ATG4B: variants seen among roughly 807,000 people sequenced by gnomAD.
The protein encoded by ATG4B is cysteine protease ATG4B.
Under a neutral mutation model 56.6 loss-of-function variants are expected in ATG4B, and 29 were observed. The observed-to-expected ratio is 0.51, with a 90% CI of 0.38 to 0.70. The LOEUF is 0.70. Among genes scored for constraint, ATG4B ranks in the 30% least tolerant of loss-of-function variants. The probability of loss-of-function intolerance (pLI) is 0.00; values close to 1 mark genes in which losing one functional copy is unlikely to be tolerated. For synonymous variants in ATG4B, 224 were observed against 206.1 expected (o/e 1.09, Z -0.74); for missense variants, 461 against 515.5 (o/e 0.89, Z 1.02).
rs770318174 is a variant in ATG4B, at chr2:241,637,723, A to C, written c.9A>C (p.Ala3=). Residue 3 remains alanine, a splice_region_variant and synonymous_variant, in exon 1 of 13, where the codon GCA becomes GCC. Coordinates refer to ENST00000404914, the MANE Select transcript of ATG4B (RefSeq NM_013325.5). The part of the protein sequence containing the change: MD[A]ATLTYDTLRF... ...GCGGCCGGACTGGGAAGATGGACGC[A>C]GGTGAGGAGTTGCCGGGGGTCGGTC... 11 of 1,578,430 alleles carry C rather than the reference A, an allele frequency of 7.0e-6. No individual in the cohort carries two copies. In the African/African-American group the frequency reaches 8.5e-5, roughly 12 times the overall value.
At chr2:241,650,707 CAG>C (rs2068203955) in intron 1 of ATG4B, among the ~76,000 whole-genome samples, 1 of 152,056 alleles carries the variant, frequency 6.6e-6, no homozygotes, top group African/African-American at 2.4e-5. Context: ...ACCCTCGTGT[CAG>C]CTGTTAGACA....
chr2:241,666,612 G>A (rs749011399), intron 7 of ATG4B, 33 bp from the exon 8 acceptor site: 1 of 1,608,904 alleles, frequency 6.2e-7, no homozygotes. Context: ...GCACAGGTCT[G>A]CTTGGTTAGT....
chr2:241,658,675 A>T (rs1296035118), intron 6 of ATG4B, among the ~76,000 whole-genome samples: 1 of 151,990 alleles, frequency 6.6e-6, no homozygotes, highest in Non-Finnish European at 1.5e-5. Context: ...CTCTATAAGG[A>T]CTCAGATTCC....
chr2:241,666,565 C>G (rs758557647), intron 7 of ATG4B, 80 bp from the exon 8 acceptor site: 5 of 1,430,776 alleles, frequency 3.5e-6, no homozygotes, highest in Admixed American at 1.9e-5. Context: ...TTCTGTTACA[C>G]AGTCATCATT....
At chr2:241,641,563 A>AAG (rs1575053666) in intron 1 of ATG4B, among the ~76,000 whole-genome samples, 1 of 151,958 alleles carries the variant, frequency 6.6e-6, no homozygotes, top group East Asian at 1.9e-4. Context: ...AAAAAAAAAA[A>AAG]AAAGAAACTC....
Position 241,651,479 on chromosome 2 carries a change from C to A in ATG4B, c.184+144C>A. On this transcript the variant is annotated intron_variant, in intron 3 of 12. Coordinates refer to ENST00000404914, the MANE Select transcript of ATG4B (RefSeq NM_013325.5). The surrounding 1 kb of genome is among the most constrained non-coding windows in gnomAD (Gnocchi z 4.1). ...CCTGCTTAACTGAATTGGCCGAGGC[C>A]TCACGTGTAGTAGTGGCAAAGCTAG... The A allele has an allele frequency of 2.8e-6, 2 of 719,764 alleles. No homozygotes were observed. Among genetic ancestry groups the A allele is most frequent in the Non-Finnish European group, 4.6e-6 (2 of 435,210 alleles). 44.6% of individuals were successfully genotyped at this position (719,764 alleles called of 1,614,324 possible). A position where few individuals can be genotyped will look rare whatever the true frequency, so the allele number is the denominator to read the frequency against.
At chr2:241,660,444 T>C (rs2068556940) in intron 7 of ATG4B, among the ~76,000 whole-genome samples, 1 of 152,242 alleles carries the variant, frequency 6.6e-6, no homozygotes, top group East Asian at 1.9e-4. Context: ...TCTGCAGCAT[T>C]GAGAGCTTTG....
intron 1 of ATG4B, among the ~76,000 whole-genome samples, chr2:241,649,159 C>T (rs547149454): frequency 1.1e-4 from 17 of 152,326 alleles, no homozygotes; most frequent in Admixed American, 2.0e-4. Context: ...CTGACTGCCC[C>T]CTGCCTCCCC....
At chr2:241,652,076 A>G in intron 3 of ATG4B, 1 of 762,166 alleles carries the variant, frequency 1.3e-6, no homozygotes, top group Non-Finnish European at 1.9e-6. Flanking sequence ...GGTGGAAGTC[A>G]AATAGCCACA....
At chr2:241,648,427 T>C (rs184256308) in intron 1 of ATG4B, among the ~76,000 whole-genome samples, 373 of 152,072 alleles carry the variant, frequency 2.5e-3, no homozygotes, top group African/African-American at 8.6e-3. Context: ...AGACCTCATC[T>C]CTACAAAAAA....
At chr2:241,665,854 A>G (rs2068743216) in intron 7 of ATG4B, among the ~76,000 whole-genome samples, 1 of 152,118 alleles carries the variant, frequency 6.6e-6, no homozygotes, top group African/African-American at 2.4e-5. Context: ...CTTAGTGTGC[A>G]GTGTGCTACC....
At chr2:241,653,886 G>A (rs375305983) in intron 4 of ATG4B, among the ~76,000 whole-genome samples, 2 of 151,654 alleles carry the variant, frequency 1.3e-5, no homozygotes, top group Non-Finnish European at 2.9e-5. Context: ...CAGCTACTTC[G>A]GAGACTGATG....
chr2:241,650,681 C>T (rs1172578649), intron 1 of ATG4B, among the ~76,000 whole-genome samples: 3 of 152,066 alleles, frequency 2.0e-5, no homozygotes, highest in Admixed American at 1.3e-4. Flanking sequence ...CAGGTTGGCC[C>T]CTAACTTGGC....
intron 4 of ATG4B, among the ~76,000 whole-genome samples, chr2:241,653,990 GAA>G (rs34757883): frequency 3.2e-4 from 23 of 72,908 alleles, no homozygotes; most frequent in Admixed American, 6.6e-4. Context: ...GACCCTATCT[GAA>G]AAAAAAAAAA....
chr2:241,646,500 G>A (rs2068063601), intron 1 of ATG4B, among the ~76,000 whole-genome samples: 1 of 152,108 alleles, frequency 6.6e-6, no homozygotes, highest in Admixed American at 6.6e-5. Context: ...ACAATTTTTT[G>A]ACTTTACGAT....
intron 8 of ATG4B, 76 bp downstream of exon 8, chr2:241,666,914 T>G: frequency 6.8e-7 from 1 of 1,476,384 alleles, no homozygotes; most frequent in South Asian, 1.2e-5. Flanking sequence ...CAGCGCATCG[T>G]CGTCACGTGG....
intron 1 of ATG4B, among the ~76,000 whole-genome samples, chr2:241,645,110 G>A (rs1333616452): frequency 1.3e-5 from 2 of 152,180 alleles, no homozygotes; most frequent in African/African-American, 4.8e-5. Context: ...CTGCGAGGGT[G>A]TCCAGGAGGG....
intron 8 of ATG4B, among the ~76,000 whole-genome samples, chr2:241,667,623 G>A (rs2068821322): frequency 6.8e-6 from 1 of 147,866 alleles, no homozygotes. Context: ...AAAAAAAAAA[G>A]CAAGCAGAAG....
intron 10 of ATG4B, among the ~76,000 whole-genome samples, chr2:241,669,564 G>A (rs1190685069): frequency 3.9e-5 from 6 of 152,210 alleles, no homozygotes; most frequent in Non-Finnish European, 2.9e-5. Flanking sequence ...CTGGAGTGCA[G>A]TGGCACGATC....
Sources: allele counts gnomAD v4.1 joint callset (sites outside exome capture counted in the v4.1 genomes callset), GRCh38; gene constraint gnomAD v4.1.1; non-coding constraint Gnocchi (gnomAD v3.1); transcripts MANE v1.5; gene names NCBI Gene and HGNC (gene_info 2026-07-23, HGNC 2026-07-21).